The following PTPRD variants were observed in gnomAD, a reference collection of about 807,000 sequenced individuals.
PTPRD encodes protein tyrosine phosphatase receptor type D.
In PTPRD, 34 loss-of-function variants were observed where a neutral mutation model predicts 214.5. The observed-to-expected ratio is 0.16, with a 90% CI of 0.12 to 0.21. PTPRD has a LOEUF of 0.21. Among genes scored for constraint, PTPRD ranks in the 10% least tolerant of loss-of-function variants. The pLI is 1.00. For synonymous variants in PTPRD, 1,128 were observed against 845.7 expected (o/e 1.33, Z -5.79); for missense variants, 2,545 against 2,398.7 (o/e 1.06, Z -1.27).
Position 9,465,153 on chromosome 9 carries a change from A to T in PTPRD, c.-236-67671T>A, listed in dbSNP as rs150810495. Among the ~76,000 whole-genome samples, 664 of 152,330 alleles carry T rather than the reference A, an allele frequency of 4.4e-3. 1 individual carries two copies. Among genetic ancestry groups the T allele is most frequent in the African/African-American group, 0.014 (595 of 41,578 alleles). On this transcript the variant is annotated intron_variant, in intron 8 of 45. Transcript: ENST00000381196. ...TGATCTGTATAGTTTTGATCTTAAAATACAGCAATATAGTTTAATAAGCTG... is the reference window on the plus strand; with the variant it reads ...TGATCTGTATAGTTTTGATCTTAAATTACAGCAATATAGTTTAATAAGCTG...
chr9:10,572,234 A>G (rs988954), intron 2 of PTPRD, among the ~76,000 whole-genome samples: 1 of 151,938 alleles, frequency 6.6e-6, no homozygotes, highest in Non-Finnish European at 1.5e-5. Flanking sequence ...ATATAGGGAA[A>G]TACAATAAAA....
At chr9:10,356,815 G>C (rs973840499) in intron 2 of PTPRD, among the ~76,000 whole-genome samples, 2 of 151,954 alleles carry the variant, frequency 1.3e-5, no homozygotes, top group African/African-American at 4.8e-5. Flanking sequence ...GAGTAGCTGG[G>C]ATTACAGCTG....
intron 8 of PTPRD, among the ~76,000 whole-genome samples, chr9:9,514,098 T>C (rs1359849841): frequency 4.6e-5 from 7 of 151,996 alleles, no homozygotes; most frequent in African/African-American, 7.2e-5. Flanking sequence ...GCTTTGAACA[T>C]TGTGAAAATG....
intron 9 of PTPRD, among the ~76,000 whole-genome samples, chr9:9,240,946 T>C (rs1441669714): frequency 5.3e-5 from 8 of 152,102 alleles, no homozygotes; most frequent in Non-Finnish European, 1.2e-4. Flanking sequence ...AACTTGTTTC[T>C]TTAATTAGAT....
chr9:10,483,480 G>C (rs1347499664), intron 2 of PTPRD, among the ~76,000 whole-genome samples: 1 of 151,644 alleles, frequency 6.6e-6, no homozygotes, highest in Admixed American at 6.6e-5. Flanking sequence ...AATCGTCAGG[G>C]TAAAGAGAGA....
chr9:8,483,455 T>C, intron 30 of PTPRD, among the ~76,000 whole-genome samples: 1 of 152,168 alleles, frequency 6.6e-6, no homozygotes. Flanking sequence ...AACTATGACA[T>C]AAAATGCTTT....
At chr9:10,489,860 G>T (rs2099155782) in intron 2 of PTPRD, among the ~76,000 whole-genome samples, 1 of 152,198 alleles carries the variant, frequency 6.6e-6, no homozygotes, top group Non-Finnish European at 1.5e-5. Context: ...GCATAAAGCT[G>T]CAGCTGCTGG....
chr9:9,983,925 C>G (rs2095624202), intron 4 of PTPRD, among the ~76,000 whole-genome samples: 1 of 152,050 alleles, frequency 6.6e-6, no homozygotes, highest in African/African-American at 2.4e-5. Flanking sequence ...CAATTACTCT[C>G]TAGTGCCCTC....
chr9:9,644,674 G>T (rs897616519), intron 7 of PTPRD, among the ~76,000 whole-genome samples: 1 of 151,740 alleles, frequency 6.6e-6, no homozygotes, highest in African/African-American at 2.4e-5. Flanking sequence ...CCCTAAATGA[G>T]AACAGTTATC....
In PTPRD at chr9:8,401,185, G is replaced by C. The variant is rs1392903575; in HGVS notation, c.4210+3352C>G. 1.3e-4 allele frequency among the ~76,000 whole-genome samples: 19 copies of C among 145,562 alleles called. No individual in the cohort carries two copies. The Admixed American group carries it at 1.3e-3, about 10-fold the overall frequency. On this transcript the variant is annotated intron_variant, in intron 36 of 45. Coordinates refer to ENST00000381196, the MANE Select transcript of PTPRD (RefSeq NM_002839.4). ...TACCTTTTCTTTTTTTTTTTTTCCAGATGGGGTCTGGTTCTGTTGCCCAAG... is the reference window on the plus strand; with the variant it reads ...TACCTTTTCTTTTTTTTTTTTTCCACATGGGGTCTGGTTCTGTTGCCCAAG...
chr9:10,172,575 C>T (rs944983279), intron 3 of PTPRD, among the ~76,000 whole-genome samples: 2 of 152,174 alleles, frequency 1.3e-5, no homozygotes, highest in Non-Finnish European at 1.5e-5. Flanking sequence ...CATTCTAGCT[C>T]CTTCACATTT....
intron 4 of PTPRD, among the ~76,000 whole-genome samples, chr9:10,028,209 C>A (rs967809758): frequency 6.6e-6 from 1 of 152,162 alleles, no homozygotes. Flanking sequence ...GTGAGACATG[C>A]GTTTCACCTT....
In PTPRD at chr9:10,496,191, C is replaced by A. The variant is rs112896017; in HGVS notation, c.-600+116207G>T. Among the ~76,000 whole-genome samples, 847 of 151,516 alleles carry A rather than the reference C, an allele frequency of 5.6e-3. 6 individuals carry two copies. Among genetic ancestry groups the A allele is most frequent in the African/African-American group, 0.02 (817 of 41,368 alleles). Reference sequence around the variant, plus strand: ...TATAAAAAATGTATTTAATGCAGACCTAATTTAGGGTATTGTTATCTTCGA... The same window carrying A: ...TATAAAAAATGTATTTAATGCAGACATAATTTAGGGTATTGTTATCTTCGA... On this transcript the variant is annotated intron_variant, in intron 2 of 45. Transcript: ENST00000381196.
intron 4 of PTPRD, among the ~76,000 whole-genome samples, chr9:9,942,485 T>C (rs2091730786): frequency 6.6e-6 from 1 of 152,174 alleles, no homozygotes; most frequent in Non-Finnish European, 1.5e-5. Flanking sequence ...ATATAAGATG[T>C]ACATCTGTAG....
chr9:8,459,697 G>T (rs1353159920), intron 33 of PTPRD, among the ~76,000 whole-genome samples: 2 of 152,072 alleles, frequency 1.3e-5, no homozygotes, highest in African/African-American at 4.8e-5. Context: ...GGTAGACACA[G>T]ATTATTTGCA....
chr9:9,343,609 G>T (rs937070047), intron 9 of PTPRD, among the ~76,000 whole-genome samples: 1 of 152,114 alleles, frequency 6.6e-6, no homozygotes, highest in African/African-American at 2.4e-5. Flanking sequence ...AAGTTTGAAG[G>T]TAGCATTGGA....
intron 9 of PTPRD, among the ~76,000 whole-genome samples, chr9:9,322,437 T>G (rs1966898421): frequency 6.6e-6 from 1 of 152,180 alleles, no homozygotes; most frequent in Non-Finnish European, 1.5e-5. Context: ...CATTTCCAAG[T>G]CACGTAGCTA....
intron 3 of PTPRD, among the ~76,000 whole-genome samples, chr9:10,088,562 C>T (rs1261922411): frequency 1.3e-5 from 2 of 151,654 alleles, no homozygotes; most frequent in Non-Finnish European, 2.9e-5. Context: ...GAAGGTGATG[C>T]TAGGTCCATT....
At chr9:9,964,111 G>A (rs10115415) in intron 4 of PTPRD, among the ~76,000 whole-genome samples, 3 of 151,958 alleles carry the variant, frequency 2.0e-5, no homozygotes, top group East Asian at 3.9e-4. Context: ...CAGAGACAGA[G>A]AGAGACAGAT....
Sources: allele counts gnomAD v4.1 joint callset (sites outside exome capture counted in the v4.1 genomes callset), GRCh38; gene constraint gnomAD v4.1.1; transcripts MANE v1.5; gene names NCBI Gene and HGNC (gene_info 2026-07-23, HGNC 2026-07-21).